The following URB2 variants were observed in gnomAD, a reference collection of about 807,000 sequenced individuals.
URB2 encodes URB2 ribosome biogenesis homolog, also known as unhealthy ribosome biogenesis protein 2 homolog.
URB2 carries 86 observed loss-of-function variants against 120.9 expected under a neutral mutation model. That is an observed-to-expected ratio of 0.71 (90% confidence interval 0.60 to 0.85). The LOEUF is 0.85. URB2 is among the 40% of genes least tolerant of loss of function. The pLI is 0.00. For synonymous variants in URB2, 755 were observed against 758.4 expected (o/e 1.00, Z 0.07); for missense variants, 1,765 against 1,836.5 (o/e 0.96, Z 0.71).
chr1:229,635,993 T>C lies in URB2; in HGVS notation c.1380T>C (p.Tyr460=), dbSNP rs148908662. ...TTATTCGTACTGTCTTCCAGACTTA[T>C]GCCAAACTCCGACAAGTGCCACGGT... ...EALIRTVFQT[Y]AKLRQVPRLF... Residue 460 remains tyrosine, a synonymous_variant, in exon 4 of 10, where the codon TAT becomes TAC. Transcript: ENST00000258243. The C allele has an allele frequency of 1.4e-4, 221 of 1,613,974 alleles. 1 individual carries two copies. In the African/African-American group the frequency reaches 2.5e-3, roughly 18 times the overall value.
intron 2 of URB2, among the ~76,000 whole-genome samples, chr1:229,631,419 C>T (rs1007063655): frequency 1.3e-5 from 2 of 152,172 alleles, no homozygotes; most frequent in Non-Finnish European, 2.9e-5. Context: ...CCTTTGCATT[C>T]ACGATTTGGT....
At chr1:229,651,361 T>G (rs1296148317) in intron 8 of URB2, 39 bp downstream of exon 8, 1 of 1,577,172 alleles carries the variant, frequency 6.3e-7, no homozygotes, top group African/African-American at 1.4e-5. Context: ...TCAAATATAT[T>G]CATCATGAGG....
Position 229,638,054 on chromosome 1 carries a change from G to C in URB2, c.3441G>C (p.Leu1147=). 1 of 1,613,944 alleles carries C rather than the reference G, an allele frequency of 6.2e-7. No individual in the cohort carries two copies. Among genetic ancestry groups the C allele is most frequent in the South Asian group, 1.1e-5 (1 of 91,060 alleles). ...TTTCCCAAGGAAGCGACAGGACGCT[G>C]CTCTCCCATGTTGCCCTCTACCAGG... The part of the protein sequence containing the change: ...ADISQGSDRT[L]LSHVALYQGV... The change falls in exon 4 of 10, where the codon CTG becomes CTC. Residue 1147 remains leucine, a synonymous_variant. Transcript: ENST00000258243.
intron 9 of URB2, among the ~76,000 whole-genome samples, chr1:229,658,793 C>G (rs555691331): frequency 6.6e-6 from 1 of 152,244 alleles, no homozygotes; most frequent in South Asian, 2.1e-4. Flanking sequence ...TAAAATGCCC[C>G]TGGTAAACAT....
chr1:229,628,230 TG>T (rs1473068126), intron 2 of URB2, among the ~76,000 whole-genome samples: 2 of 145,408 alleles, frequency 1.4e-5, no homozygotes, highest in Non-Finnish European at 3.0e-5. Context: ...ATATTATATA[TG>T]TATATATATT....
chr1:229,632,174 T>G, intron 2 of URB2, 95 bp from the exon 3 acceptor site: 3 of 797,188 alleles, frequency 3.8e-6, no homozygotes, highest in East Asian at 8.5e-5. Context: ...CCCGTGGCAA[T>G]TGGATTTGCT....
intron 3 of URB2, among the ~76,000 whole-genome samples, chr1:229,633,395 G>C (rs1184433646): frequency 6.6e-6 from 1 of 152,198 alleles, no homozygotes; most frequent in Non-Finnish European, 1.5e-5. Context: ...TTATTTTTAT[G>C]TATGCTTCAT....
In URB2 at chr1:229,659,549, T is replaced by A; in HGVS notation, c.*252T>A. ...AAATTGACCCTGGGATGAGATTAAT[T>A]CAATAGAAAAATTGCTGACTCTTGG... On this transcript the variant is annotated 3_prime_UTR_variant, in exon 10 of 10. Transcript: ENST00000258243. 2.8e-6 allele frequency: 1 copy of A among 356,676 alleles called. No individual in the cohort carries two copies. The highest frequency in any genetic ancestry group is 2.0e-5 in the African/African-American group (1 of 48,972). The allele number at this position is 356,676 out of a possible 1,614,324, so 22.1% of individuals were successfully genotyped here.
rs570023546 is a variant in URB2 at position 229,633,975 on chromosome 1, GTGTGCACCACCA to G, written c.304-939_304-928del. ...GCCTCCCGAGTAGCTGGGACTACAG[GTGTGCACCACCA>G]TGCTCGGCTAATTTTTATATTTTTA... is the stretch of plus-strand genomic sequence containing the variant. On this transcript the variant is annotated intron_variant, in intron 3 of 9. Coordinates refer to ENST00000258243, the MANE Select transcript of URB2 (RefSeq NM_014777.4). Among the ~76,000 whole-genome samples, 6 of 149,414 alleles carry G rather than the reference GTGTGCACCACCA, an allele frequency of 4.0e-5. No homozygotes were observed. In the South Asian group the frequency reaches 1.1e-3, roughly 27 times the overall value.
chr1:229,656,044 G>A (rs751776127), intron 9 of URB2, among the ~76,000 whole-genome samples: 3 of 152,204 alleles, frequency 2.0e-5, no homozygotes, highest in East Asian at 1.9e-4. Flanking sequence ...ACACCTTACC[G>A]GGTGTGGAGC....
At position 229,659,252 on chromosome 1, in the gene URB2, G is replaced by A; in HGVS notation, c.4530G>A (p.Lys1510=). The stretch of plus-strand genomic sequence containing the variant: ...AGGAGCTCTATAATGACTATCTCAA[G>A]TACCACAAGGCCAAACATGAAGGAG... The part of the protein sequence containing the change: ...IFKELYNDYL[K]YHKAKHEGEK... The change falls in exon 10 of 10, where the codon AAG becomes AAA. Residue 1510 remains lysine (K), a synonymous_variant. Transcript: ENST00000258243. The A allele has an allele frequency of 6.2e-7, 1 of 1,614,010 alleles. No homozygotes were observed. Among genetic ancestry groups the A allele is most frequent in the Non-Finnish European group, 8.5e-7 (1 of 1,180,030 alleles).
intron 3 of URB2, among the ~76,000 whole-genome samples, chr1:229,634,059 T>C (rs1186155471): frequency 6.6e-6 from 1 of 152,162 alleles, no homozygotes; most frequent in East Asian, 1.9e-4. Context: ...CTCGAACGCC[T>C]GGCCTCAAGT....
Position 229,636,650 on chromosome 1 carries a change from G to A in URB2, c.2037G>A (p.Leu679=), listed in dbSNP as rs780134294. ...LGTYCLEQLY[L]QKMKRTLMQT... The stretch of plus-strand genomic sequence containing the variant: ...CATATTGCTTAGAACAGCTGTACCT[G>A]CAGAAAATGAAAAGGACTTTAATGC... Residue 679 remains leucine, a synonymous_variant, in exon 4 of 10, where the codon CTG becomes CTA. Transcript: ENST00000258243. 11 of 1,614,234 alleles carry A rather than the reference G, an allele frequency of 6.8e-6. No individual in the cohort carries two copies. Among genetic ancestry groups the A allele is most frequent in the Non-Finnish European group, 9.3e-6 (11 of 1,180,056 alleles).
In URB2 at chr1:229,634,910, T is replaced by C; in HGVS notation, c.304-7T>C. The C allele has an allele frequency of 6.0e-6, 9 of 1,511,484 alleles. No homozygotes were observed. Among genetic ancestry groups the C allele is most frequent in the Non-Finnish European group, 7.1e-6 (8 of 1,129,546 alleles). 93.6% of individuals were successfully genotyped at this position (1,511,484 alleles called of 1,614,324 possible). ...GTAATGAATTTTCTTTCTTTCTTAA[T>C]GTTCAGATCATCAATGAGAGAGTAG... On this transcript the variant is annotated splice_region_variant and splice_polypyrimidine_tract_variant and intron_variant, in intron 3 of 9. Transcript: ENST00000258243.
At position 229,642,615 on chromosome 1, in the gene URB2, G is replaced by A. The variant is rs538561667; in HGVS notation, c.3635-918G>A. ...TGAAACCGTGGGCCCAAGGACACTG[G>A]GGATGATGGGGAACAGCTGGGTGAC... On this transcript the variant is annotated intron_variant, in intron 4 of 9. Coordinates refer to ENST00000258243, the MANE Select transcript of URB2 (RefSeq NM_014777.4). Among the ~76,000 whole-genome samples the A allele has an allele frequency of 2.0e-5, 3 of 151,720 alleles. No individual in the cohort carries two copies. The East Asian group carries it at 5.8e-4, about 29-fold the overall frequency.
intron 7 of URB2, among the ~76,000 whole-genome samples, chr1:229,648,561 A>G (rs1057078637): frequency 2.7e-5 from 4 of 149,516 alleles, no homozygotes; most frequent in African/African-American, 1.0e-4. Context: ...TTCAGTTAAC[A>G]TTTATTGAAC....
In URB2 at chr1:229,635,374, A is replaced by G. The variant is rs761199151; in HGVS notation, c.761A>G (p.Tyr254Cys). 185 of 1,613,986 alleles carry G rather than the reference A, an allele frequency of 1.1e-4. No homozygotes were observed. Among genetic ancestry groups the G allele is most frequent in the Non-Finnish European group, 1.6e-4 (184 of 1,180,002 alleles). Residue 254 changes from tyrosine (Y) to cysteine (C), a missense_variant, in exon 4 of 10, where the codon TAC (tyrosine) becomes TGC (cysteine). Tyr to Cys is a radical substitution (Grantham distance 194). Transcript: ENST00000258243. ...GIFQPELLSS[Y>C]KEGLLDQQQG... ...TTTCAGCCTGAGCTACTGTCATCCT[A>G]CAAGGAGGGGCTCTTGGACCAGCAG...
chr1:229,631,200 C>T (rs1408191210), intron 2 of URB2, among the ~76,000 whole-genome samples: 5 of 152,090 alleles, frequency 3.3e-5, no homozygotes, highest in East Asian at 1.9e-4. Flanking sequence ...GCTTTTCCTC[C>T]GCAGCCTCCT....
In URB2 at chr1:229,635,969, T is replaced by C; in HGVS notation, c.1356T>C (p.Leu452=). 1 of 1,614,208 alleles carries C rather than the reference T, an allele frequency of 6.2e-7. No individual in the cohort carries two copies. Among genetic ancestry groups the C allele is most frequent in the Non-Finnish European group, 8.5e-7 (1 of 1,180,032 alleles). Residue 452 remains leucine (L), a synonymous_variant, in exon 4 of 10, where the codon CTT becomes CTC. Coordinates refer to ENST00000258243, the MANE Select transcript of URB2 (RefSeq NM_014777.4). ...EFRTKKAQEA[L]IRTVFQTYAK... ...GAACCAAAAAAGCCCAGGAGGCGCT[T>C]ATTCGTACTGTCTTCCAGACTTATG...
Sources: allele counts gnomAD v4.1 joint callset (sites outside exome capture counted in the v4.1 genomes callset), GRCh38; gene constraint gnomAD v4.1.1; transcripts MANE v1.5; gene names NCBI Gene and HGNC (gene_info 2026-07-23, HGNC 2026-07-21).